ABCG2: variants seen among roughly 807,000 people sequenced by gnomAD.
ABCG2 encodes the protein ATP binding cassette subfamily G member 2 (JR blood group).
In ABCG2, 80 loss-of-function variants were observed where a neutral mutation model predicts 73.5. That is an observed-to-expected ratio of 1.09 (90% CI 0.91 to 1.31). The LOEUF is 1.31. Among genes scored for constraint, ABCG2 ranks in the 50% most tolerant of loss-of-function variants. The pLI, the probability that ABCG2 is intolerant of heterozygous loss-of-function variation, is 0.00. For synonymous variants in ABCG2, 269 were observed against 282.4 expected (o/e 0.95, Z 0.48); for missense variants, 796 against 786.2 (o/e 1.01, Z -0.15).
chr4:88,110,847 C>T (rs928669461), intron 9 of ABCG2, among the ~76,000 whole-genome samples: 1 of 152,044 alleles, frequency 6.6e-6, no homozygotes, highest in Non-Finnish European at 1.5e-5. Context: ...TACTCCTGCC[C>T]TAAGCTAATA....
At chr4:88,171,697 A>T (rs185361990) in intron 1 of ABCG2, among the ~76,000 whole-genome samples, 4 of 151,748 alleles carry the variant, frequency 2.6e-5, no homozygotes, top group Admixed American at 2.6e-4. Context: ...TTTTATTATT[A>T]TGAATTTTTT....
chr4:88,194,988 G>A (rs949544116), intron 1 of ABCG2, among the ~76,000 whole-genome samples: 1 of 152,208 alleles, frequency 6.6e-6, no homozygotes, highest in African/African-American at 2.4e-5. Flanking sequence ...TCTTTGTGGA[G>A]AATAGACTTA....
intron 5 of ABCG2, among the ~76,000 whole-genome samples, chr4:88,122,569 G>C (rs577242565): frequency 1.3e-5 from 2 of 152,166 alleles, no homozygotes; most frequent in East Asian, 3.9e-4. Context: ...GGGTAGAGCC[G>C]ACCACAGCTT....
At chr4:88,096,977 C>T (rs1722023208) in intron 13 of ABCG2, among the ~76,000 whole-genome samples, 1 of 152,084 alleles carries the variant, frequency 6.6e-6, no homozygotes, top group Non-Finnish European at 1.5e-5. Context: ...CAAACTATCT[C>T]TGCTGGTGGG....
chr4:88,118,064 A>C (rs1391321386), intron 7 of ABCG2, 45 bp downstream of exon 7: 2 of 1,584,992 alleles, frequency 1.3e-6, no homozygotes, highest in Non-Finnish European at 1.7e-6. Flanking sequence ...CTCCTTCAGG[A>C]TTCTATTAAT....
In ABCG2 at chr4:88,132,565, C is replaced by T. The variant is rs371295575; in HGVS notation, c.263+11G>A. ...CACAGAAAACGCTTACTTATACTCT[C>T]TTATACTCACGAAGATTTGCCTCCA... On this transcript the variant is annotated intron_variant, in intron 3 of 15. Coordinates refer to ENST00000237612, the MANE Select transcript of ABCG2 (RefSeq NM_004827.3). 3 of 1,614,124 alleles carry T rather than the reference C, an allele frequency of 1.9e-6. No individual in the cohort carries two copies. The highest frequency in any genetic ancestry group is 2.2e-5 in the East Asian group (1 of 44,882).
intron 1 of ABCG2, among the ~76,000 whole-genome samples, chr4:88,220,324 T>C (rs1008760172): frequency 6.6e-6 from 1 of 152,198 alleles, no homozygotes; most frequent in African/African-American, 2.4e-5. Context: ...TGGGTATATA[T>C]CTAGAAGTGG....
chr4:88,171,219 C>T (rs947157701), intron 1 of ABCG2, among the ~76,000 whole-genome samples: 1 of 148,132 alleles, frequency 6.8e-6, no homozygotes, highest in East Asian at 2.0e-4. Flanking sequence ...CCTCATGACA[C>T]GAGTTTACCT....
At chr4:88,160,868 A>G (rs1686646604), upstream of ABCG2, among the ~76,000 whole-genome samples, 1 of 151,008 alleles carries the variant, frequency 6.6e-6, no homozygotes, top group Admixed American at 6.6e-5. Context: ...AAAAAAAAAA[A>G]AAAACCTATA....
rs115726842 is a variant in ABCG2 at position 88,177,600 on chromosome 4, A to C, written c.-19-37586T>G. Among the ~76,000 whole-genome samples the C allele has an allele frequency of 2.3e-3, 354 of 152,246 alleles. 1 individual carries two copies. The highest frequency in any genetic ancestry group is 4.7e-3 in the Admixed American group (72 of 15,292). ...TATCTACCCCAAAAAGCACCTTCACAAGCACCAAAAATCAGATGAACGATC... is the reference window on the plus strand; with the variant it reads ...TATCTACCCCAAAAAGCACCTTCACCAGCACCAAAAATCAGATGAACGATC... On this transcript the variant is annotated intron_variant, in intron 1 of 15. Coordinates refer to the ABCG2 transcript ENST00000515655.
chr4:88,214,311 CTT>C (rs1401504215), intron 1 of ABCG2, among the ~76,000 whole-genome samples: 1 of 152,004 alleles, frequency 6.6e-6, no homozygotes, highest in African/African-American at 2.4e-5. Context: ...AAATATTCCT[CTT>C]GATTCCACAT....
rs1230818869 is a variant in ABCG2, at chr4:88,097,723, A to C, written c.1493-116T>G. 2.5e-6 allele frequency: 3 copies of C among 1,199,508 alleles called. No individual in the cohort carries two copies. The African/African-American group carries it at 4.6e-5, about 19-fold the overall frequency. The allele number at this position is 1,199,508 out of a possible 1,614,324, so 74.3% of individuals were successfully genotyped here. A position where few individuals can be genotyped will look rare whatever the true frequency, so the allele number is the denominator to read the frequency against. On this transcript the variant is annotated intron_variant, in intron 12 of 15. Coordinates refer to ENST00000237612, the MANE Select transcript of ABCG2 (RefSeq NM_004827.3). ...TTGAGAAACTAATATTAGAATGAAA[A>C]AAAGTCATCCACTCTCCAACCACCC...
chr4:88,117,943 A>G (rs1336980186), intron 7 of ABCG2, among the ~76,000 whole-genome samples, 166 bp downstream of exon 7: 1 of 152,248 alleles, frequency 6.6e-6, no homozygotes, highest in Non-Finnish European at 1.5e-5. Flanking sequence ...TGGTGCTACA[A>G]AAATGAAGAA....
intron 1 of ABCG2, among the ~76,000 whole-genome samples, chr4:88,224,596 A>G (rs568304091): frequency 8.9e-4 from 135 of 152,192 alleles, no homozygotes; most frequent in African/African-American, 3.2e-3. Flanking sequence ...GGCTCAAGCA[A>G]TCCTCCTGCT....
intron 1 of ABCG2, among the ~76,000 whole-genome samples, chr4:88,179,551 T>G (rs959388205): frequency 6.6e-6 from 1 of 152,098 alleles, no homozygotes; most frequent in Non-Finnish European, 1.5e-5. Context: ...CCTCACTAAA[T>G]GAACTAAATA....
intron 1 of ABCG2, among the ~76,000 whole-genome samples, chr4:88,192,901 C>T (rs185331587): frequency 3.5e-4 from 52 of 149,276 alleles, no homozygotes; most frequent in East Asian, 3.2e-3. Context: ...TTAGTAAAGA[C>T]GGGGTTTTGC....
chr4:88,154,677 G>A (rs1340859346), intron 1 of ABCG2, among the ~76,000 whole-genome samples: 1 of 152,178 alleles, frequency 6.6e-6, no homozygotes, highest in Non-Finnish European at 1.5e-5. Context: ...TGGGGGTCAG[G>A]TGTGGTATCA....
intron 1 of ABCG2, among the ~76,000 whole-genome samples, chr4:88,197,221 T>TA (rs367813511): frequency 2.7e-5 from 4 of 146,080 alleles, no homozygotes; most frequent in South Asian, 2.1e-4. Context: ...CAAGGCATAC[T>TA]AAAAGGCAAA....
intron 5 of ABCG2, among the ~76,000 whole-genome samples, chr4:88,126,924 C>T (rs898134569): frequency 6.6e-5 from 10 of 152,088 alleles, no homozygotes; most frequent in African/African-American, 2.2e-4. Context: ...AAGTTCTGGC[C>T]AGGGCAATCA....
Sources: gnomAD v4.1 joint callset for allele counts (sites outside exome capture counted in the v4.1 genomes callset) on GRCh38, gnomAD v4.1.1 for gene constraint, MANE v1.5 for transcripts, NCBI Gene and HGNC (gene_info 2026-07-23, HGNC 2026-07-21) for gene names.